Variants in ATXN2 observed in about 807,000 individuals in gnomAD.
The protein encoded by ATXN2 is ataxin-2.
Under a neutral mutation model 138.6 loss-of-function variants are expected in ATXN2, and 37 were observed. That is an observed-to-expected ratio of 0.27 (90% CI 0.21 to 0.35). The LOEUF (loss-of-function observed/expected upper bound fraction) is 0.35. Ranked by LOEUF, ATXN2 falls within the 10% of genes least tolerant of loss-of-function variation. ATXN2 has a pLI of 1.00. For missense variants in ATXN2, 1,216 were observed against 1,480.3 expected (o/e 0.82, Z 2.93); for synonymous variants, 549 against 543.7 (o/e 1.01, Z -0.13).
intron 1 of ATXN2, among the ~76,000 whole-genome samples, chr12:111,581,934 C>T (rs1342377569): frequency 5.3e-5 from 8 of 149,836 alleles, no homozygotes; most frequent in East Asian, 1.9e-4. Flanking sequence ...ATAAACTGCA[C>T]GTGTTTCTGG....
At chr12:111,473,537 G>A (rs1269274748) in intron 18 of ATXN2, among the ~76,000 whole-genome samples, 1 of 152,068 alleles carries the variant, frequency 6.6e-6, no homozygotes, top group African/African-American at 2.4e-5. Flanking sequence ...AGGGATGAAA[G>A]GAAAAGAATG....
chr12:111,467,945 A>G (rs542658576), intron 20 of ATXN2, among the ~76,000 whole-genome samples: 46 of 152,386 alleles, frequency 3.0e-4, no homozygotes, highest in African/African-American at 1.1e-3. Context: ...TATTGCTACA[A>G]TGTCTCAAAA....
chr12:111,552,351 C>T lies in ATXN2; in HGVS notation c.500G>A (p.Ser167Asn). The change falls in exon 5 of 25, where the codon AGT becomes AAT. Residue 167 changes from serine (S) to asparagine (N), a missense_variant. This residue lies in a region of ATXN2 where 401 missense variants were observed against 528.1 expected (regional missense o/e 0.76). Transcript: ENST00000673436. The surrounding 1 kb of genome is among the most constrained non-coding windows in gnomAD (Gnocchi z 4.1). ...AAAGTCTGAACATTTGAACAAAATA[C>T]TCTCCATTATTTCTTCACGTTTCGG... ...SGPKREEIME[S>N]ILFKCSDFVV... 2 of 1,613,568 alleles carry T rather than the reference C, an allele frequency of 1.2e-6. No individual in the cohort carries two copies. The highest frequency in any genetic ancestry group is 1.7e-6 in the Non-Finnish European group (2 of 1,179,782).
At chr12:111,595,874 C>A (rs907852189) in intron 1 of ATXN2, among the ~76,000 whole-genome samples, 2 of 146,666 alleles carry the variant, frequency 1.4e-5, no homozygotes, top group Non-Finnish European at 3.0e-5. Context: ...ACCAGCCTGG[C>A]CAACATGGTG....
chr12:111,452,506 C>G lies in ATXN2; in HGVS notation c.*306G>C. On this transcript the variant is annotated 3_prime_UTR_variant, in exon 25 of 25. Coordinates refer to ENST00000673436, the MANE Select transcript of ATXN2 (RefSeq NM_001372574.1). ...TACTTCTTTTGCTAGCTGATGTGTTCATGACTTTCAAGGGTTATTAAAAAA... is the reference window on the plus strand; with the variant it reads ...TACTTCTTTTGCTAGCTGATGTGTTGATGACTTTCAAGGGTTATTAAAAAA... 4.2e-6 allele frequency: 1 copy of G among 235,830 alleles called. No homozygotes were observed. The allele number at this position is 235,830 out of a possible 1,614,324, so 14.6% of individuals were successfully genotyped here.
chr12:111,537,710 A>G (rs186254599), intron 5 of ATXN2, among the ~76,000 whole-genome samples: 3 of 152,342 alleles, frequency 2.0e-5, no homozygotes, highest in Non-Finnish European at 4.4e-5. Flanking sequence ...TGAAACAAAC[A>G]GAGAGGAACT....
intron 1 of ATXN2, among the ~76,000 whole-genome samples, chr12:111,584,377 CAAAAAAAAAA>C (rs58678794): frequency 0.031 from 1,401 of 44,668 alleles, 15 homozygotes; most frequent in Non-Finnish European, 0.047. Context: ...GACCCTGTCT[CAAAAAAAAAA>C]AAAAAAAAAA....
intron 9 of ATXN2, among the ~76,000 whole-genome samples, chr12:111,517,075 C>T (rs1048727767): frequency 6.6e-6 from 1 of 152,056 alleles, no homozygotes; most frequent in African/African-American, 2.4e-5. Flanking sequence ...CTTATCTAAG[C>T]GACTGCTTAA....
chr12:111,581,266 A>G, intron 1 of ATXN2: 1 of 422,668 alleles, frequency 2.4e-6, no homozygotes, highest in East Asian at 4.7e-5. Flanking sequence ...CCGTAAATAG[A>G]ATGAGTACTA....
In ATXN2 at chr12:111,452,594, G is replaced by A; in HGVS notation, c.*218C>T. 1.7e-6 allele frequency: 1 copy of A among 580,514 alleles called. No homozygotes were observed. 36.0% of individuals were successfully genotyped at this position (580,514 alleles called of 1,614,324 possible). A position where few individuals can be genotyped will look rare whatever the true frequency, so the allele number is the denominator to read the frequency against. On this transcript the variant is annotated 3_prime_UTR_variant, in exon 25 of 25. Transcript: ENST00000673436. The stretch of plus-strand genomic sequence containing the variant: ...CCTGCGGGACTCTGAAACAGCATAT[G>A]GAATTATGGAATAGCCCCCAAGTTC...
intron 14 of ATXN2, among the ~76,000 whole-genome samples, chr12:111,497,545 C>A (rs1349057363): frequency 6.6e-6 from 1 of 151,918 alleles, no homozygotes; most frequent in African/African-American, 2.4e-5. Context: ...GGATTCATCC[C>A]AGGGATGCAA....
intron 20 of ATXN2, chr12:111,468,963 G>A (rs1441627194): frequency 6.6e-6 from 1 of 152,172 alleles, no homozygotes; most frequent in African/African-American, 2.4e-5. Flanking sequence ...GCCTCCCAAA[G>A]TGCTGGGATT....
chr12:111,504,210 G>A (rs1171939776), intron 14 of ATXN2, among the ~76,000 whole-genome samples: 9 of 152,164 alleles, frequency 5.9e-5, no homozygotes, highest in Non-Finnish European at 1.2e-4. Context: ...TTCAGTGGAG[G>A]ACAATTCAGA....
intron 23 of ATXN2, chr12:111,454,128 T>C (rs1015756501): frequency 2.1e-5 from 6 of 286,736 alleles, no homozygotes; most frequent in Non-Finnish European, 2.6e-5. Flanking sequence ...GATCATTGTA[T>C]TCTATGTATG....
intron 1 of ATXN2, among the ~76,000 whole-genome samples, chr12:111,578,744 T>C (rs998368019): frequency 1.3e-5 from 2 of 152,032 alleles, no homozygotes; most frequent in African/African-American, 2.4e-5. Flanking sequence ...GAAATGCAAA[T>C]TAAAACCACA....
At chr12:111,550,963 C>T (rs143386787) in intron 5 of ATXN2, among the ~76,000 whole-genome samples, 14 of 152,240 alleles carry the variant, frequency 9.2e-5, no homozygotes, top group African/African-American at 2.9e-4. Context: ...AACAGAATTA[C>T]GTATTTCACT....
chr12:111,597,709 C>A (rs1192862692), intron 1 of ATXN2: 2 of 573,346 alleles, frequency 3.5e-6, no homozygotes, highest in African/African-American at 1.9e-5. Flanking sequence ...CCTACTACAA[C>A]CCCGGCTTAG....
At chr12:111,549,225 C>A (rs1456229838) in intron 5 of ATXN2, among the ~76,000 whole-genome samples, 2 of 152,072 alleles carry the variant, frequency 1.3e-5, no homozygotes, top group African/African-American at 4.8e-5. Context: ...TTAAACCATA[C>A]CTTCCTTTAC....
chr12:111,596,245 C>CACACA (rs3223414), intron 1 of ATXN2, among the ~76,000 whole-genome samples: 1 of 124,322 alleles, frequency 8.0e-6, no homozygotes, highest in Non-Finnish European at 1.8e-5. Flanking sequence ...CACACACACA[C>CACACA]AAAATTAGAT....
Sources: gnomAD v4.1 joint callset for allele counts (sites outside exome capture counted in the v4.1 genomes callset) on GRCh38, gnomAD v4.1.1 for gene constraint, gnomAD v4.1.1 regional missense constraint, Gnocchi (gnomAD v3.1) non-coding constraint, MANE v1.5 for transcripts, NCBI Gene and HGNC (gene_info 2026-07-23, HGNC 2026-07-21) for gene names.